Variants in RALGPS1 observed in about 807,000 individuals in gnomAD.
RALGPS1 encodes ras-specific guanine nucleotide-releasing factor RalGPS1.
RALGPS1 carries 19 observed loss-of-function variants against 78.8 expected under a neutral mutation model. That is an observed-to-expected ratio of 0.24 (90% confidence interval 0.17 to 0.35). RALGPS1 has a LOEUF of 0.35. Ranked by LOEUF, RALGPS1 falls within the 10% of genes least tolerant of loss-of-function variation. The pLI, the probability that RALGPS1 is intolerant of heterozygous loss-of-function variation, is 1.00. For missense variants in RALGPS1, 454 were observed against 688.3 expected, an observed-to-expected ratio of 0.66 and a Z score of 3.81; for synonymous variants, 228 against 256.3, an observed-to-expected ratio of 0.89 and a Z score of 1.06.
At chr9:127,208,475 G>A (rs911927995) in intron 14 of RALGPS1, among the ~76,000 whole-genome samples, 3 of 152,302 alleles carry the variant, frequency 2.0e-5, no homozygotes, top group South Asian at 4.1e-4. Context: ...CTGGGTTCAA[G>A]TCCTAGCTTA....
intron 8 of RALGPS1, chr9:127,089,208 G>C: frequency 6.5e-7 from 1 of 1,537,170 alleles, no homozygotes; most frequent in Non-Finnish European, 9.0e-7. Flanking sequence ...AGTGCTCAGG[G>C]CTTTCGGCAA....
rs144448561 is a variant in RALGPS1 at position 127,007,986 on chromosome 9, T to C, written c.217-26445T>C. ...AAAGACGATGTGGTCTGTGTGAGGA[T>C]AATGCAGTGGACAAGGGTGACCCAC... On this transcript the variant is annotated intron_variant, in intron 4 of 18. Transcript: ENST00000259351. 2.0e-4 allele frequency among the ~76,000 whole-genome samples: 30 copies of C among 152,264 alleles called. No homozygotes were observed. The East Asian group carries it at 5.2e-3, about 26-fold the overall frequency.
At chr9:126,978,755 C>G (rs1263279735) in intron 4 of RALGPS1, among the ~76,000 whole-genome samples, 1 of 152,178 alleles carries the variant, frequency 6.6e-6, no homozygotes, top group African/African-American at 2.4e-5. Context: ...GCTTTTACCT[C>G]TCCTTCTCCT....
At chr9:127,123,594 C>T (rs911451184) in intron 8 of RALGPS1, among the ~76,000 whole-genome samples, 1 of 152,152 alleles carries the variant, frequency 6.6e-6, no homozygotes, top group Admixed American at 6.5e-5. Flanking sequence ...AAAATGTGAC[C>T]TCCTATTGGG....
At chr9:127,055,212 A>ATCTATCTG (rs1554809768) in intron 7 of RALGPS1, among the ~76,000 whole-genome samples, 2,564 of 151,094 alleles carry the variant, frequency 0.017, 90 homozygotes, top group African/African-American at 0.059. Flanking sequence ...CTATCTATCT[A>ATCTATCTG]TCTGTCTGTC....
At chr9:126,947,400 A>C (rs1284785709) in intron 1 of RALGPS1, among the ~76,000 whole-genome samples, 1 of 152,226 alleles carries the variant, frequency 6.6e-6, no homozygotes, top group Non-Finnish European at 1.5e-5. Flanking sequence ...TGCTCAAAGG[A>C]AATGCTCATT....
Position 127,091,846 on chromosome 9 carries a change from A to G in RALGPS1, c.610+22490A>G, listed in dbSNP as rs907077472. 1.2e-6 allele frequency: 2 copies of G among 1,614,028 alleles called. No homozygotes were observed. The highest frequency in any genetic ancestry group is 1.3e-5 in the African/African-American group (1 of 74,900). On this transcript the variant is annotated intron_variant, in intron 8 of 18. Coordinates refer to ENST00000259351, the MANE Select transcript of RALGPS1 (RefSeq NM_014636.3). The surrounding 1 kb of genome is among the most constrained non-coding windows in gnomAD (Gnocchi z 4.3). ...GACTTTGCGGCCGGACCAGTCCTCC[A>G]TGGTCACCAGGAGTTTGTAGTTGCC...
intron 7 of RALGPS1, among the ~76,000 whole-genome samples, chr9:127,060,545 TTAA>T (rs2049122755): frequency 6.7e-6 from 1 of 150,312 alleles, no homozygotes; most frequent in African/African-American, 2.4e-5. Context: ...GTTGTTGTTA[TTAA>T]TATTTTCAAC....
rs370305162 is a variant in RALGPS1 at position 127,098,489 on chromosome 9, G to A, written c.610+29133G>A. On this transcript the variant is annotated intron_variant, in intron 8 of 18. Coordinates refer to ENST00000259351, the MANE Select transcript of RALGPS1 (RefSeq NM_014636.3). The stretch of plus-strand genomic sequence containing the variant: ...AGAAATGCAGCCCCGTGGCTGAGCC[G>A]AGTCTGTGTGGTTCCCTGAAGAAGC... 5.9e-5 allele frequency among the ~76,000 whole-genome samples: 9 copies of A among 152,298 alleles called. No individual in the cohort carries two copies. The East Asian group carries it at 1.4e-3, about 23-fold the overall frequency.
chr9:127,047,698 C>CAA (rs539204984), intron 5 of RALGPS1, among the ~76,000 whole-genome samples: 22 of 84,966 alleles, frequency 2.6e-4, no homozygotes, highest in Non-Finnish European at 4.9e-4. Context: ...GACGCCCTCT[C>CAA]AAAAAAAAAA....
chr9:127,171,428 G>C (rs1201862798), intron 10 of RALGPS1, among the ~76,000 whole-genome samples: 1 of 152,138 alleles, frequency 6.6e-6, no homozygotes, highest in African/African-American at 2.4e-5. Context: ...CCAAAAGAGA[G>C]ATTATTTTCC....
chr9:126,961,787 C>G (rs1450867005), intron 1 of RALGPS1, among the ~76,000 whole-genome samples: 3 of 152,124 alleles, frequency 2.0e-5, no homozygotes, highest in Non-Finnish European at 2.9e-5. Context: ...CAGAGCAAGA[C>G]CCTGTCTCAA....
chr9:126,924,259 T>C (rs369795574), intron 1 of RALGPS1, among the ~76,000 whole-genome samples: 1 of 152,236 alleles, frequency 6.6e-6, no homozygotes, highest in African/African-American at 2.4e-5. Flanking sequence ...GGGGCCTTTG[T>C]TGAATCTGCA....
chr9:127,108,731 TG>T, intron 8 of RALGPS1: 1 of 1,597,688 alleles, frequency 6.3e-7, no homozygotes. Context: ...AGTGGCCTCA[TG>T]GTCCTTGCAA....
At chr9:126,967,445 TG>T (rs1473563118) in intron 3 of RALGPS1, among the ~76,000 whole-genome samples, 1 of 152,254 alleles carries the variant, frequency 6.6e-6, no homozygotes, top group East Asian at 1.9e-4. Flanking sequence ...GGACTTTCAC[TG>T]GGCTAAAGTA....
intron 4 of RALGPS1, among the ~76,000 whole-genome samples, chr9:126,987,824 T>C (rs2025955): frequency 0.64 from 97,928 of 151,982 alleles, 33,247 homozygotes; most frequent in East Asian, 0.81. Context: ...TCGGCACAAT[T>C]CAACCTGAGT....
chr9:127,049,152 C>T (rs969407956), intron 5 of RALGPS1, among the ~76,000 whole-genome samples: 1 of 152,206 alleles, frequency 6.6e-6, no homozygotes, highest in African/African-American at 2.4e-5. Flanking sequence ...CTCCACCTTT[C>T]TTTGCAGTGC....
In RALGPS1 at chr9:127,205,259, C is replaced by G. The variant is rs2061869656; in HGVS notation, c.1247+6193C>G. On this transcript the variant is annotated intron_variant, in intron 14 of 18. Coordinates refer to ENST00000259351, the MANE Select transcript of RALGPS1 (RefSeq NM_014636.3). The surrounding 1 kb of genome is among the most constrained non-coding windows in gnomAD (Gnocchi z 4.0). ...CAGAGCCTGCAGCCTCTTCAGGTCC[C>G]AGGCCCCCCGTCGAGGGATCACTAG... Among the ~76,000 whole-genome samples, 1 of 152,210 alleles carries G rather than the reference C, an allele frequency of 6.6e-6. No homozygotes were observed. Among genetic ancestry groups the G allele is most frequent in the Non-Finnish European group, 1.5e-5 (1 of 68,026 alleles).
At position 127,054,996 on chromosome 9, in the gene RALGPS1, T is replaced by A. The variant is rs547081363; in HGVS notation, c.483+2057T>A. Among the ~76,000 whole-genome samples the A allele has an allele frequency of 8.2e-3, 1,148 of 139,250 alleles. 61 individuals carry two copies. Among genetic ancestry groups the A allele is most frequent in the Admixed American group, 0.076 (1,051 of 13,914 alleles). 91.4% of individuals were successfully genotyped at this position (139,250 alleles called of 152,430 possible). On this transcript the variant is annotated intron_variant, in intron 7 of 18. Transcript: ENST00000259351. ...CTCTGAAAAAGAGAGAGAGATTGAT[T>A]GAGAGAGAGAGAGAGAGAGAGAGAG... is the stretch of plus-strand genomic sequence containing the variant.
Sources: gnomAD v4.1 joint callset for allele counts (sites outside exome capture counted in the v4.1 genomes callset) on GRCh38, gnomAD v4.1.1 for gene constraint, Gnocchi (gnomAD v3.1) non-coding constraint, MANE v1.5 for transcripts, NCBI Gene and HGNC (gene_info 2026-07-23, HGNC 2026-07-21) for gene names.